FILIP1L: variants seen among roughly 807,000 people sequenced by gnomAD.
The protein encoded by FILIP1L is filamin A interacting protein 1 like.
A neutral mutation model predicts 96.6 loss-of-function variants in FILIP1L; 55 were observed. The observed-to-expected ratio is 0.57, with a 90% CI of 0.46 to 0.71. The LOEUF (loss-of-function observed/expected upper bound fraction) is 0.71, where lower values mean the gene tolerates loss of function less well. Among genes scored for constraint, FILIP1L ranks in the 30% least tolerant of loss-of-function variants. The pLI is 0.00. For synonymous variants in FILIP1L, 467 were observed against 473.9 expected (o/e 0.99, Z 0.19); for missense variants, 1,304 against 1,321.2 (o/e 0.99, Z 0.20).
rs148955196 is a variant in FILIP1L at position 99,967,510 on chromosome 3, C to G, written c.-10-36480G>C. ...TGGGTCAACTGAATTTTTTGTTCCA[C>G]TAAGAGTCCCCTCCTGGCTCCTTGT... On this transcript the variant is annotated intron_variant, in intron 1 of 5. Transcript: ENST00000477258. Among the ~76,000 whole-genome samples the G allele has an allele frequency of 4.6e-3, 700 of 152,238 alleles. 2 individuals carry two copies. The highest frequency in any genetic ancestry group is 6.8e-3 in the South Asian group (33 of 4,820).
chr3:99,979,562 A>C (rs1245168443), intron 1 of FILIP1L, among the ~76,000 whole-genome samples: 2 of 152,240 alleles, frequency 1.3e-5, no homozygotes, highest in Non-Finnish European at 1.5e-5. Context: ...AATGAGAAAC[A>C]GGATAAAACT....
chr3:100,109,146 C>G (rs2066443999), intron 1 of FILIP1L, among the ~76,000 whole-genome samples: 1 of 150,784 alleles, frequency 6.6e-6, no homozygotes, highest in Non-Finnish European at 1.5e-5. Context: ...AATTCTTCCG[C>G]TGTAAATCAA....
chr3:99,973,686 A>G (rs569764446), intron 1 of FILIP1L, among the ~76,000 whole-genome samples: 11 of 152,220 alleles, frequency 7.2e-5, no homozygotes, highest in Non-Finnish European at 2.9e-5. Context: ...CACACTTCAA[A>G]CTTGATGAAA....
chr3:99,972,525 T>G (rs1388805011), intron 1 of FILIP1L, among the ~76,000 whole-genome samples: 1 of 152,222 alleles, frequency 6.6e-6, no homozygotes, highest in Non-Finnish European at 1.5e-5. Context: ...CGGCCTCATT[T>G]TCTGCCTCTA....
intron 4 of FILIP1L, chr3:99,874,267 C>G (rs1222256157): frequency 2.6e-5 from 4 of 152,196 alleles, no homozygotes; most frequent in African/African-American, 9.7e-5. Flanking sequence ...GTTTATGGTA[C>G]AGATGGTACT....
chr3:99,887,205 C>T (rs1408874369), intron 4 of FILIP1L, among the ~76,000 whole-genome samples: 1 of 151,110 alleles, frequency 6.6e-6, no homozygotes, highest in Non-Finnish European at 1.5e-5. Context: ...AGGAGGAGGT[C>T]GCGGTTAGCC....
chr3:100,004,661 A>G (rs1709937897), intron 1 of FILIP1L, among the ~76,000 whole-genome samples: 3 of 152,212 alleles, frequency 2.0e-5, no homozygotes. Context: ...GGACGGCTTC[A>G]TGAAGAGAGA....
intron 1 of FILIP1L, among the ~76,000 whole-genome samples, chr3:99,994,290 G>A (rs1242078253): frequency 2.0e-5 from 3 of 152,014 alleles, no homozygotes; most frequent in Non-Finnish European, 4.4e-5. Context: ...TAATAGTAGG[G>A]GACTTTATTG....
At chr3:100,106,032 T>C (rs746473022) in intron 1 of FILIP1L, among the ~76,000 whole-genome samples, 5 of 152,094 alleles carry the variant, frequency 3.3e-5, no homozygotes, top group African/African-American at 1.2e-4. Flanking sequence ...GACAGACAGA[T>C]TATACCTCCT....
chr3:100,111,874 A>G (rs1008668594), intron 1 of FILIP1L, among the ~76,000 whole-genome samples: 1 of 152,204 alleles, frequency 6.6e-6, no homozygotes, highest in Admixed American at 6.5e-5. Context: ...CTGAGATGGT[A>G]TCTAAAATTG....
At chr3:100,106,718 A>T (rs1559759547) in intron 1 of FILIP1L, among the ~76,000 whole-genome samples, 1 of 152,280 alleles carries the variant, frequency 6.6e-6, no homozygotes, top group East Asian at 1.9e-4. Context: ...TTCCTTTTGA[A>T]TGCTTTAGAT....
intron 1 of FILIP1L, among the ~76,000 whole-genome samples, chr3:100,044,638 T>C (rs2065252164): frequency 6.6e-6 from 1 of 152,236 alleles, no homozygotes; most frequent in Non-Finnish European, 1.5e-5. Flanking sequence ...TTATAGGCAC[T>C]GGCAAGAATC....
intron 1 of FILIP1L, among the ~76,000 whole-genome samples, chr3:100,009,686 C>G (rs2107189650): frequency 6.6e-6 from 1 of 152,298 alleles, no homozygotes; most frequent in East Asian, 1.9e-4. Context: ...GAGGAAATTA[C>G]AGTAGCACAT....
At chr3:99,976,122 T>G (rs570575607) in intron 1 of FILIP1L, among the ~76,000 whole-genome samples, 2 of 152,122 alleles carry the variant, frequency 1.3e-5, no homozygotes, top group South Asian at 4.2e-4. Context: ...TGACCTCAGG[T>G]GGTTCGCCCG....
rs115196941 is a variant in FILIP1L at position 100,000,869 on chromosome 3, A to G, written c.-10-69839T>C. Among the ~76,000 whole-genome samples, 664 of 152,374 alleles carry G rather than the reference A, an allele frequency of 4.4e-3. 7 individuals carry two copies. Among genetic ancestry groups the G allele is most frequent in the African/African-American group, 0.016 (651 of 41,584 alleles). On this transcript the variant is annotated intron_variant, in intron 1 of 5. Coordinates refer to ENST00000477258, the MANE Select transcript of FILIP1L (RefSeq NM_001387850.1). ...GAACACTTTAACAAATATATTACTC[A>G]GTAACTATGTTGTATATAAATGTGT...
chr3:99,982,809 A>G (rs919311777), intron 1 of FILIP1L, among the ~76,000 whole-genome samples: 6 of 152,220 alleles, frequency 3.9e-5, no homozygotes, highest in African/African-American at 1.4e-4. Flanking sequence ...TTGTGATGAC[A>G]ATTGAACAGC....
chr3:100,083,249 G>T (rs944317550), intron 1 of FILIP1L, among the ~76,000 whole-genome samples: 8 of 152,180 alleles, frequency 5.3e-5, no homozygotes, highest in Non-Finnish European at 7.3e-5. Context: ...ACTTTATCTT[G>T]GGCTTGCTTG....
intron 1 of FILIP1L, among the ~76,000 whole-genome samples, chr3:99,961,287 ATTTTG>A (rs1043331682): frequency 4.3e-4 from 66 of 152,016 alleles, no homozygotes; most frequent in African/African-American, 1.5e-3. Context: ...GGGTTGGATT[ATTTTG>A]TTTTGTTTTG....
chr3:99,963,660 G>A (rs1457702933), intron 1 of FILIP1L, among the ~76,000 whole-genome samples: 1 of 151,786 alleles, frequency 6.6e-6, no homozygotes, highest in African/African-American at 2.4e-5. Flanking sequence ...AGCCCAGGCT[G>A]GAGTGCAGTG....
Sources: allele counts gnomAD v4.1 joint callset (sites outside exome capture counted in the v4.1 genomes callset), GRCh38; gene constraint gnomAD v4.1.1; transcripts MANE v1.5; gene names NCBI Gene and HGNC (gene_info 2026-07-23, HGNC 2026-07-21).